The following INPP4A variants were observed in gnomAD, a reference collection of about 807,000 sequenced individuals.
INPP4A encodes the protein inositol polyphosphate-4-phosphatase type I A, also known as inositol polyphosphate-4-phosphatase, type I, 107kD.
Under a neutral mutation model 119.8 loss-of-function variants are expected in INPP4A, and 33 were observed. The ratio of observed to expected loss-of-function variants is 0.28; its 90% CI spans 0.21 to 0.37. The LOEUF is 0.37. Among genes scored for constraint, INPP4A ranks in the 10% least tolerant of loss-of-function variants. INPP4A has a pLI of 1.00. For missense variants in INPP4A, 956 were observed against 1,289.9 expected (o/e 0.74, Z 3.97); for synonymous variants, 496 against 500.7 (o/e 0.99, Z 0.12).
intron 23 of INPP4A, among the ~76,000 whole-genome samples, chr2:98,573,335 GCACTTACCCTGCT>G (rs1697820127): frequency 6.6e-6 from 1 of 152,172 alleles, no homozygotes; most frequent in Non-Finnish European, 1.5e-5. Flanking sequence ...ATTTTCCCAA[GCACTTACCCTGCT>G]CATATTTTCT....
chr2:98,552,582 T>C, intron 13 of INPP4A: 1 of 706,946 alleles, frequency 1.4e-6, no homozygotes, highest in Non-Finnish European at 2.6e-6. Flanking sequence ...TGAGTCATAG[T>C]TTAATATTTC....
chr2:98,567,007 CG>C (rs1696585714), intron 21 of INPP4A, among the ~76,000 whole-genome samples: 1 of 152,184 alleles, frequency 6.6e-6, no homozygotes, highest in African/African-American at 2.4e-5. Context: ...TGTCCATTGA[CG>C]CCTAGGTGTA....
chr2:98,539,508 C>A lies in INPP4A; in HGVS notation c.671-20C>A. 3 of 1,596,738 alleles carry A rather than the reference C, an allele frequency of 1.9e-6. No homozygotes were observed. The highest frequency in any genetic ancestry group is 2.6e-6 in the Non-Finnish European group (3 of 1,168,422). On this transcript the variant is annotated intron_variant, in intron 9 of 24. Coordinates refer to ENST00000409851, the MANE Select transcript of INPP4A (RefSeq NM_001134225.2). ...CAGCCAGTTCATTTGCAGCCTGTCT[C>A]CCTTGTCATCCCACCTCAGTGTTCG...
chr2:98,562,615 T>G (rs1695693645), intron 17 of INPP4A, among the ~76,000 whole-genome samples: 1 of 152,210 alleles, frequency 6.6e-6, no homozygotes, highest in South Asian at 2.1e-4. Flanking sequence ...CAAGTGGTGA[T>G]GGTCACATGC....
chr2:98,445,371 T>C (rs10199199), intron 1 of INPP4A, among the ~76,000 whole-genome samples: 42,879 of 152,096 alleles, frequency 0.28, 6,148 homozygotes, highest in Middle Eastern at 0.35. Context: ...GCAGACGCGG[T>C]GCCTGCCCGA....
intron 1 of INPP4A, among the ~76,000 whole-genome samples, chr2:98,490,861 TTTTG>T (rs1376103462): frequency 6.6e-6 from 1 of 152,226 alleles, no homozygotes; most frequent in Non-Finnish European, 1.5e-5. Context: ...CATGAGGGGC[TTTTG>T]TTTGTTTTCC....
At chr2:98,480,119 C>G (rs1196650596) in intron 1 of INPP4A, among the ~76,000 whole-genome samples, 1 of 152,194 alleles carries the variant, frequency 6.6e-6, no homozygotes, top group Non-Finnish European at 1.5e-5. Context: ...CTGGCTGACA[C>G]CCTCCCTGCC....
chr2:98,539,648 A>C lies in INPP4A; in HGVS notation c.791A>C (p.Lys264Thr), dbSNP rs749183022. The C allele has an allele frequency of 2.5e-6, 4 of 1,609,718 alleles. No individual in the cohort carries two copies. The highest frequency in any genetic ancestry group is 3.4e-6 in the Non-Finnish European group (4 of 1,178,160). Reference protein sequence around the residue: ...LSLHVPRQFVKLLLEEDAARV... With the variant: ...LSLHVPRQFVTLLLEEDAARV... ...CTGCACGTGCCCCGGCAGTTCGTGA[A>C]GCTCCTACTAGAGGAAGATGCAGCC... is the stretch of plus-strand genomic sequence containing the variant. Residue 264 changes from lysine to threonine, a missense_variant, in exon 10 of 25, where the codon AAG becomes ACG. Lys to Thr is a moderately conservative substitution (Grantham distance 78, BLOSUM62 -1). This residue lies in a region of INPP4A where 652 missense variants were observed against 797.9 expected (regional missense o/e 0.82). Coordinates refer to ENST00000409851, the MANE Select transcript of INPP4A (RefSeq NM_001134225.2).
Position 98,548,145 on chromosome 2 carries a change from A to G in INPP4A, c.1163+1451A>G, listed in dbSNP as rs139973134. On this transcript the variant is annotated intron_variant, in intron 13 of 24. Coordinates refer to ENST00000409851, the MANE Select transcript of INPP4A (RefSeq NM_001134225.2). ...GGCTGAGCAGGGAACGGAAGAGCGTACCCTGTGAGAAGTCACCATTCAGAT... is the reference window on the plus strand; with the variant it reads ...GGCTGAGCAGGGAACGGAAGAGCGTGCCCTGTGAGAAGTCACCATTCAGAT... Among the ~76,000 whole-genome samples the G allele has an allele frequency of 4.6e-3, 695 of 152,012 alleles. 2 individuals are homozygous for G. The highest frequency in any genetic ancestry group is 6.7e-3 in the Non-Finnish European group (458 of 67,932).
At chr2:98,559,526 A>T (rs1288393497) in intron 17 of INPP4A, 31 bp downstream of exon 17, 5 of 1,608,956 alleles carry the variant, frequency 3.1e-6, no homozygotes, top group Non-Finnish European at 4.3e-6. Flanking sequence ...GCTCCTGCTG[A>T]TGCCCTTTTA....
At chr2:98,575,577 A>G (rs10198092) in intron 23 of INPP4A, among the ~76,000 whole-genome samples, 4,141 of 152,026 alleles carry the variant, frequency 0.027, 188 homozygotes, top group African/African-American at 0.095. Context: ...GAAGAAGCCT[A>G]TTCTCCTTCT....
chr2:98,545,954 T>C lies in INPP4A; in HGVS notation c.950-15T>C. 2 of 1,560,120 alleles carry C rather than the reference T, an allele frequency of 1.3e-6. No homozygotes were observed. The highest frequency in any genetic ancestry group is 2.4e-5 in the South Asian group (2 of 84,548). On this transcript the variant is annotated splice_polypyrimidine_tract_variant and intron_variant, in intron 11 of 24. Coordinates refer to ENST00000409851, the MANE Select transcript of INPP4A (RefSeq NM_001134225.2). Reference sequence around the variant, plus strand: ...TATGCTGATGGCCTTTATCTTCTCCTATTCCATTTCTTAGGGCCCTCGTTT... The same window carrying C: ...TATGCTGATGGCCTTTATCTTCTCCCATTCCATTTCTTAGGGCCCTCGTTT...
intron 11 of INPP4A, among the ~76,000 whole-genome samples, chr2:98,545,758 C>T (rs1298716646): frequency 1.3e-5 from 2 of 152,194 alleles, no homozygotes; most frequent in Non-Finnish European, 2.9e-5. Context: ...GCACCCAGAA[C>T]CAGCTCTCCT....
intron 1 of INPP4A, among the ~76,000 whole-genome samples, chr2:98,472,671 G>A (rs762869059): frequency 7.9e-5 from 12 of 152,254 alleles, no homozygotes; most frequent in Non-Finnish European, 1.3e-4. Flanking sequence ...AGGGTCTGTG[G>A]TGGGTCTTCA....
chr2:98,444,601 C>G (rs141153154), upstream of INPP4A, among the ~76,000 whole-genome samples: 2 of 152,340 alleles, frequency 1.3e-5, no homozygotes, highest in African/African-American at 4.8e-5. Flanking sequence ...CAGTGGATGA[C>G]AGGGTGAAGA....
chr2:98,557,937 G>A (rs1221321667), intron 16 of INPP4A, among the ~76,000 whole-genome samples: 5 of 150,846 alleles, frequency 3.3e-5, no homozygotes, highest in Admixed American at 6.6e-5. Context: ...ACACTCTGTT[G>A]CTCTCCTCAT....
At chr2:98,517,050 G>A (rs755716538) in intron 1 of INPP4A, among the ~76,000 whole-genome samples, 9 of 151,944 alleles carry the variant, frequency 5.9e-5, no homozygotes, top group African/African-American at 1.7e-4. Flanking sequence ...TGTGTAACCC[G>A]CACCCAGATC....
At chr2:98,550,195 GCCGT>G in intron 13 of INPP4A, among the ~76,000 whole-genome samples, 1 of 152,062 alleles carries the variant, frequency 6.6e-6, no homozygotes, top group Non-Finnish European at 1.5e-5. Flanking sequence ...GTCACCCCTT[GCCGT>G]CTCCCCCCTG....
chr2:98,489,548 T>G (rs1481725642), intron 1 of INPP4A, among the ~76,000 whole-genome samples: 1 of 152,174 alleles, frequency 6.6e-6, no homozygotes, highest in Non-Finnish European at 1.5e-5. Context: ...ACACACCGTC[T>G]GTCGATAACA....
Sources: gnomAD v4.1 joint callset for allele counts (sites outside exome capture counted in the v4.1 genomes callset) on GRCh38, gnomAD v4.1.1 for gene constraint, gnomAD v4.1.1 regional missense constraint, MANE v1.5 for transcripts, NCBI Gene and HGNC (gene_info 2026-07-23, HGNC 2026-07-21) for gene names.